ZNF385D: variants seen among roughly 807,000 people sequenced by gnomAD.
ZNF385D encodes the protein zinc finger protein 659.
A neutral mutation model predicts 35.8 loss-of-function variants in ZNF385D; 15 were observed. That is an observed-to-expected ratio of 0.42 (90% CI 0.28 to 0.64). The LOEUF is 0.64. ZNF385D is among the 30% of genes least tolerant of loss of function. ZNF385D has a pLI of 0.23. For missense variants in ZNF385D, 474 were observed against 494.6 expected, an observed-to-expected ratio of 0.96 and a Z score of 0.39; for synonymous variants, 212 against 186.8, an observed-to-expected ratio of 1.13 and a Z score of -1.10.
chr3:21,978,489 G>A (rs183909547), intron 3 of ZNF385D, among the ~76,000 whole-genome samples: 9 of 152,336 alleles, frequency 5.9e-5, no homozygotes, highest in Non-Finnish European at 4.4e-5. Context: ...AGATTAGGAT[G>A]TGGGTGTTCT....
chr3:21,481,699 T>C (rs542924831), intron 4 of ZNF385D, among the ~76,000 whole-genome samples: 1 of 152,138 alleles, frequency 6.6e-6, no homozygotes, highest in Non-Finnish European at 1.5e-5. Context: ...TGGCCTCAGA[T>C]AGCTTCTAAT....
intron 2 of ZNF385D, among the ~76,000 whole-genome samples, chr3:21,602,230 C>T (rs933696441): frequency 2.0e-5 from 3 of 152,068 alleles, no homozygotes; most frequent in African/African-American, 7.2e-5. Context: ...CTCCATGTGG[C>T]CCCACCCTTG....
chr3:21,904,641 C>G lies in ZNF385D; in HGVS notation c.326-239613G>C, dbSNP rs572332530. ...TTTCCAGCCCTAATGCAGAATAACA[C>G]AAATCACACAGCAAATCACGGAGCA... On this transcript the variant is annotated intron_variant, in intron 3 of 5. Transcript: ENST00000494108. 1.7e-3 allele frequency among the ~76,000 whole-genome samples: 263 copies of G among 152,214 alleles called. 1 individual carries two copies. The highest frequency in any genetic ancestry group is 6.1e-3 in the African/African-American group (252 of 41,554).
intron 1 of ZNF385D, among the ~76,000 whole-genome samples, chr3:21,681,640 C>G (rs1481800637): frequency 1.5e-5 from 2 of 130,006 alleles, no homozygotes; most frequent in African/African-American, 5.8e-5. Flanking sequence ...ATTTGGAACA[C>G]AAATGTACAC....
At chr3:21,670,334 G>A (rs1013435490) in intron 1 of ZNF385D, among the ~76,000 whole-genome samples, 10 of 151,510 alleles carry the variant, frequency 6.6e-5, no homozygotes, top group Admixed American at 2.6e-4. Flanking sequence ...TCAATAATAA[G>A]CTATGATTAC....
chr3:22,045,853 C>A (rs972779756), intron 3 of ZNF385D, among the ~76,000 whole-genome samples: 2 of 151,962 alleles, frequency 1.3e-5, no homozygotes, highest in African/African-American at 4.8e-5. Flanking sequence ...AAGTAAAACT[C>A]AAAACTCGAG....
At chr3:22,162,865 T>G (rs1576426542) in intron 3 of ZNF385D, among the ~76,000 whole-genome samples, 1 of 152,188 alleles carries the variant, frequency 6.6e-6, no homozygotes, top group Admixed American at 6.5e-5. Context: ...ACTTTAAAAA[T>G]CATTGGTAGT....
At chr3:22,369,162 T>G (rs1458350175) in intron 2 of ZNF385D, among the ~76,000 whole-genome samples, 7 of 152,184 alleles carry the variant, frequency 4.6e-5, no homozygotes, top group Non-Finnish European at 7.4e-5. Flanking sequence ...TTTTCCAATA[T>G]TAGTTTCTTC....
chr3:21,503,121 A>G (rs1000730137), intron 4 of ZNF385D, among the ~76,000 whole-genome samples: 1 of 152,218 alleles, frequency 6.6e-6, no homozygotes, highest in African/African-American at 2.4e-5. Flanking sequence ...ACAGAGGTAT[A>G]GATTCATAAC....
intron 2 of ZNF385D, among the ~76,000 whole-genome samples, chr3:22,303,473 A>T (rs1482449725): frequency 6.6e-6 from 1 of 152,080 alleles, no homozygotes; most frequent in Non-Finnish European, 1.5e-5. Flanking sequence ...TGGTTCACTT[A>T]TCTTGCCTCC....
chr3:21,692,623 T>C (rs931920885), intron 1 of ZNF385D, among the ~76,000 whole-genome samples: 1 of 152,232 alleles, frequency 6.6e-6, no homozygotes, highest in Non-Finnish European at 1.5e-5. Context: ...GAGCTGCTGA[T>C]CACACCCTTG....
At chr3:21,657,743 G>A (rs1021216610) in intron 2 of ZNF385D, among the ~76,000 whole-genome samples, 4 of 151,818 alleles carry the variant, frequency 2.6e-5, no homozygotes, top group South Asian at 2.1e-4. Context: ...CTATTTTAGT[G>A]GTAGCAGCAG....
chr3:22,050,071 T>G (rs1419060695), intron 3 of ZNF385D, among the ~76,000 whole-genome samples: 3 of 152,046 alleles, frequency 2.0e-5, no homozygotes, highest in Admixed American at 2.0e-4. Flanking sequence ...TTAGTTTAGT[T>G]AAAATGTTTT....
At chr3:22,269,033 G>C (rs1576590973) in intron 2 of ZNF385D, among the ~76,000 whole-genome samples, 1 of 151,842 alleles carries the variant, frequency 6.6e-6, no homozygotes, top group African/African-American at 2.4e-5. Context: ...ATCAGGAGGA[G>C]AAAAGTAAAG....
chr3:21,881,129 A>T (rs1344564099), intron 3 of ZNF385D, among the ~76,000 whole-genome samples: 2 of 151,972 alleles, frequency 1.3e-5, no homozygotes, highest in Non-Finnish European at 2.9e-5. Flanking sequence ...GATCCAGAAG[A>T]CTTAGCTAAG....
At chr3:21,932,381 G>A (rs1054752381) in intron 3 of ZNF385D, among the ~76,000 whole-genome samples, 5 of 151,364 alleles carry the variant, frequency 3.3e-5, no homozygotes, top group Non-Finnish European at 5.9e-5. Flanking sequence ...ATATAACGCA[G>A]CACTCTGATT....
chr3:22,354,163 C>T (rs928087119), intron 2 of ZNF385D, among the ~76,000 whole-genome samples: 5 of 152,098 alleles, frequency 3.3e-5, no homozygotes, highest in African/African-American at 1.2e-4. Context: ...TTTATATCGC[C>T]TTGGTTTGAA....
At chr3:21,698,656 A>C (rs1276783297) in intron 1 of ZNF385D, among the ~76,000 whole-genome samples, 2 of 152,138 alleles carry the variant, frequency 1.3e-5, no homozygotes, top group African/African-American at 4.8e-5. Context: ...AAAAACAAAC[A>C]AACCCATTAA....
chr3:22,074,110 T>C (rs1191420989), intron 3 of ZNF385D, among the ~76,000 whole-genome samples: 1 of 151,960 alleles, frequency 6.6e-6, no homozygotes, highest in Non-Finnish European at 1.5e-5. Context: ...ACTTTTTTTC[T>C]TTTTCTGTGT....
Sources: gnomAD v4.1 joint callset for allele counts (sites outside exome capture counted in the v4.1 genomes callset) on GRCh38, gnomAD v4.1.1 for gene constraint, MANE v1.5 for transcripts, NCBI Gene and HGNC (gene_info 2026-07-23, HGNC 2026-07-21) for gene names.